The following VRK1 variants were observed in gnomAD, a reference collection of about 807,000 sequenced individuals.
VRK1 encodes VRK serine/threonine kinase 1, also known as serine/threonine-protein kinase VRK1.
Under a neutral mutation model 57.1 loss-of-function variants are expected in VRK1, and 33 were observed. The observed-to-expected ratio is 0.58, with a 90% confidence interval of 0.44 to 0.77. The LOEUF is 0.77. Among genes scored for constraint, VRK1 ranks in the 30% least tolerant of loss-of-function variants. The pLI is 0.00. For synonymous variants in VRK1, 137 were observed against 147.8 expected, an observed-to-expected ratio of 0.93 and a Z score of 0.53; for missense variants, 413 against 477.3, an observed-to-expected ratio of 0.87 and a Z score of 1.25.
Position 96,847,351 on chromosome 14 carries a change from A to G in VRK1, c.374+7A>G. On this transcript the variant is annotated splice_region_variant and intron_variant, in intron 5 of 12. Transcript: ENST00000216639. ...ATGACAAAAATGGAAAAAGGTAAAAATATGTGTGATTTGTCTTTCTCCTTC... is the reference window on the plus strand; with the variant it reads ...ATGACAAAAATGGAAAAAGGTAAAAGTATGTGTGATTTGTCTTTCTCCTTC... 6.2e-7 allele frequency: 1 copy of G among 1,608,660 alleles called. No homozygotes were observed. Among genetic ancestry groups the G allele is most frequent in the Non-Finnish European group, 8.5e-7 (1 of 1,175,188 alleles).
At chr14:96,811,693 T>A (rs913675842) in intron 1 of VRK1, among the ~76,000 whole-genome samples, 1 of 152,210 alleles carries the variant, frequency 6.6e-6, no homozygotes, top group Non-Finnish European at 1.5e-5. Flanking sequence ...AATATTTAGT[T>A]TAGTTTCCAC....
chr14:96,798,125 G>A (rs779677338), intron 1 of VRK1, among the ~76,000 whole-genome samples: 22 of 152,196 alleles, frequency 1.4e-4, no homozygotes, highest in South Asian at 6.2e-4. Flanking sequence ...TCCTGTACTT[G>A]AGGGTCTGTC....
chr14:96,837,912 A>G (rs1198918848), intron 3 of VRK1, 95 bp downstream of exon 3: 2 of 741,640 alleles, frequency 2.7e-6, no homozygotes, highest in Non-Finnish European at 4.1e-6. Flanking sequence ...TAATTAAACC[A>G]TAAGATACTA....
Position 96,881,189 on chromosome 14 carries a change from G to C in VRK1, c.1172G>C (p.Arg391Thr). Residue 391 changes from arginine to threonine, a missense_variant, in exon 13 of 13, where the codon AGA becomes ACA. Transcript: ENST00000216639. Reference protein sequence around the residue: ...EEAIQTRSRTRKRVQK With the variant: ...EEAIQTRSRTTKRVQK The stretch of plus-strand genomic sequence containing the variant: ...ATTTTTCTTCAAGGTTCAAGAACCA[G>C]AAAGAGAGTCCAGAAGTAATTCAGA... 6.2e-7 allele frequency: 1 copy of C among 1,606,252 alleles called. No homozygotes were observed. Among genetic ancestry groups the C allele is most frequent in the Non-Finnish European group, 8.5e-7 (1 of 1,175,762 alleles).
At position 96,855,130 on chromosome 14, in the gene VRK1, A is replaced by G. The variant is rs1486259220; in HGVS notation, c.577-94A>G. ...ATGGAATGACCTTGTAGGTGAACCC[A>G]CCTTCAGATGCCAGTATTTTGTTTC... On this transcript the variant is annotated intron_variant, in intron 7 of 12. Coordinates refer to ENST00000216639, the MANE Select transcript of VRK1 (RefSeq NM_003384.3). 4 of 1,593,996 alleles carry G rather than the reference A, an allele frequency of 2.5e-6. No homozygotes were observed. In the African/African-American group the frequency reaches 4.0e-5, roughly 16 times the overall value.
chr14:96,879,594 A>G (rs1889171633), intron 12 of VRK1, among the ~76,000 whole-genome samples: 2 of 152,192 alleles, frequency 1.3e-5, no homozygotes, highest in Non-Finnish European at 2.9e-5. Flanking sequence ...CAGTCTCACT[A>G]TCGCAGCATT....
chr14:96,830,146 T>C (rs1367411764), intron 1 of VRK1, among the ~76,000 whole-genome samples: 3 of 152,198 alleles, frequency 2.0e-5, no homozygotes, highest in African/African-American at 7.2e-5. Flanking sequence ...AGTATTTTCA[T>C]TTACTATTAA....
intron 1 of VRK1, among the ~76,000 whole-genome samples, chr14:96,819,891 A>C (rs1321969783): frequency 6.6e-6 from 1 of 152,004 alleles, no homozygotes; most frequent in African/African-American, 2.4e-5. Flanking sequence ...TACCCTGGAG[A>C]AGAATTGGGC....
At chr14:96,809,582 T>C (rs1017754432) in intron 1 of VRK1, among the ~76,000 whole-genome samples, 17 of 151,120 alleles carry the variant, frequency 1.1e-4, no homozygotes, top group Admixed American at 9.9e-4. Context: ...TTTTTTTTTT[T>C]TTTTTTCTGA....
At position 96,860,629 on chromosome 14, in the gene VRK1, G is replaced by A. The variant is rs200927943; in HGVS notation, c.962G>A (p.Arg321His). ...GAAAAACCTCTTTATGAAAATTTAC[G>A]TGACATTCTTTTGCAAGGACTAAAA... ...YTEKPLYENL[R>H]DILLQGLKAI... The change falls in exon 11 of 13, where the codon CGT becomes CAT. Residue 321 changes from arginine (R) to histidine (H), a missense_variant. By Grantham distance (29) the Arg-to-His change is conservative. This residue lies in a region of VRK1 where 146 missense variants were observed against 138.2 expected (regional missense o/e 1.06). Transcript: ENST00000216639. 15 of 1,613,192 alleles carry A rather than the reference G, an allele frequency of 9.3e-6. No individual in the cohort carries two copies. Among genetic ancestry groups the A allele is most frequent in the Non-Finnish European group, 1.2e-5 (14 of 1,179,446 alleles).
chr14:96,804,134 A>G (rs1885777350), intron 1 of VRK1, among the ~76,000 whole-genome samples: 1 of 152,054 alleles, frequency 6.6e-6, no homozygotes, highest in African/African-American at 2.4e-5. Context: ...CTTCTGTTTT[A>G]CCCTTATATG....
intron 5 of VRK1, among the ~76,000 whole-genome samples, chr14:96,848,237 T>C (rs902632821): frequency 6.6e-6 from 1 of 152,188 alleles, no homozygotes; most frequent in Admixed American, 6.5e-5. Context: ...AGGCTTCACA[T>C]GCAGGCACAG....
At chr14:96,879,319 G>A (rs1242784543) in intron 12 of VRK1, among the ~76,000 whole-genome samples, 3 of 152,092 alleles carry the variant, frequency 2.0e-5, no homozygotes, top group South Asian at 2.1e-4. Flanking sequence ...AACAAGGTGC[G>A]TAGGACTGAT....
At position 96,813,425 on chromosome 14, in the gene VRK1, C is replaced by CA. The variant is rs1364291205; in HGVS notation, c.-6+15978_-6+15979insA. ...TTTGGACTAGAATCTAGAAGATAGT[C>CA]TCATTAAGTGCATATTTTATATGTA... On this transcript the variant is annotated intron_variant, in intron 1 of 12. Transcript: ENST00000216639. 2.0e-5 allele frequency among the ~76,000 whole-genome samples: 3 copies of CA among 152,180 alleles called. No homozygotes were observed. In the East Asian group the frequency reaches 5.8e-4, roughly 29 times the overall value.
chr14:96,878,659 A>AAT (rs1889133443), intron 12 of VRK1, among the ~76,000 whole-genome samples: 1 of 152,146 alleles, frequency 6.6e-6, no homozygotes, highest in Admixed American at 6.6e-5. Context: ...AAGCTTTCAA[A>AAT]ATGTGTATTG....
chr14:96,838,709 A>G (rs759185759), intron 3 of VRK1, among the ~76,000 whole-genome samples: 23 of 152,292 alleles, frequency 1.5e-4, no homozygotes, highest in Non-Finnish European at 2.8e-4. Context: ...GGGAGCTACT[A>G]TCCAAGATGA....
intron 11 of VRK1, among the ~76,000 whole-genome samples, chr14:96,868,234 T>C (rs1888660866): frequency 6.6e-6 from 1 of 152,292 alleles, no homozygotes; most frequent in African/African-American, 2.4e-5. Flanking sequence ...ATACCTCAGA[T>C]CATTTTAATG....
intron 1 of VRK1, among the ~76,000 whole-genome samples, chr14:96,812,487 C>T (rs1259014553): frequency 1.3e-5 from 2 of 152,058 alleles, no homozygotes; most frequent in Non-Finnish European, 2.9e-5. Context: ...ACTTTCATTT[C>T]CCTAACAACT....
intron 1 of VRK1, among the ~76,000 whole-genome samples, chr14:96,830,321 A>G (rs935797224): frequency 6.6e-6 from 1 of 151,552 alleles, no homozygotes; most frequent in Non-Finnish European, 1.5e-5. Context: ...TTTCTTTGTT[A>G]TATGTATGTT....
Sources: gnomAD v4.1 joint callset for allele counts (sites outside exome capture counted in the v4.1 genomes callset) on GRCh38, gnomAD v4.1.1 for gene constraint, gnomAD v4.1.1 regional missense constraint, MANE v1.5 for transcripts, NCBI Gene and HGNC (gene_info 2026-07-23, HGNC 2026-07-21) for gene names.